NME7: variants seen among roughly 807,000 people sequenced by gnomAD.
NME7 encodes the protein NME/NM23 family member 7, also known as nucleoside diphosphate kinase 7.
A neutral mutation model predicts 49.1 loss-of-function variants in NME7; 41 were observed. The observed-to-expected ratio is 0.83, with a 90% CI of 0.65 to 1.08. NME7 has a LOEUF of 1.08. Among genes scored for constraint, NME7 ranks in the 50% least tolerant of loss-of-function variants. The pLI is 0.00. For synonymous variants in NME7, 139 were observed against 150.6 expected (o/e 0.92, Z 0.56); for missense variants, 423 against 463.4 (o/e 0.91, Z 0.80).
chr1:169,356,164 T>C (rs1199303101), intron 1 of NME7, among the ~76,000 whole-genome samples: 1 of 152,186 alleles, frequency 6.6e-6, no homozygotes, highest in Non-Finnish European at 1.5e-5. Flanking sequence ...TCCCTGATGA[T>C]ATTGATATCT....
In NME7 at chr1:169,210,719, A is replaced by G. The variant is rs568338235; in HGVS notation, c.990+19999T>C. On this transcript the variant is annotated intron_variant, in intron 10 of 11. Coordinates refer to ENST00000367811, the MANE Select transcript of NME7 (RefSeq NM_013330.5). ...TTTGCCAGTTACGTCATAATCACAAATAAAATGGGGAAAAAAGAAAGCAGG... is the reference window on the plus strand; with the variant it reads ...TTTGCCAGTTACGTCATAATCACAAGTAAAATGGGGAAAAAAGAAAGCAGG... 3.4e-5 allele frequency among the ~76,000 whole-genome samples: 5 copies of G among 149,170 alleles called. No individual in the cohort carries two copies. The East Asian group carries it at 1.7e-3, about 50-fold the overall frequency.
chr1:169,242,036 G>T (rs1470460413), intron 7 of NME7, among the ~76,000 whole-genome samples: 1 of 151,868 alleles, frequency 6.6e-6, no homozygotes, highest in Non-Finnish European at 1.5e-5. Flanking sequence ...CAATATTCCT[G>T]CCTCAGGCTC....
chr1:169,335,882 G>C (rs1652446334), intron 1 of NME7, among the ~76,000 whole-genome samples: 2 of 151,638 alleles, frequency 1.3e-5, no homozygotes, highest in Non-Finnish European at 2.9e-5. Context: ...TGAGTGAAAA[G>C]TGGCTTCTAA....
At chr1:169,203,375 C>T (rs1163801684) in intron 10 of NME7, among the ~76,000 whole-genome samples, 1 of 152,128 alleles carries the variant, frequency 6.6e-6, no homozygotes, top group East Asian at 1.9e-4. Context: ...GCTTATTAAA[C>T]TTTCACTCCA....
intron 3 of NME7, among the ~76,000 whole-genome samples, chr1:169,321,761 T>C (rs1651858355): frequency 6.6e-6 from 1 of 152,198 alleles, no homozygotes; most frequent in Admixed American, 6.5e-5. Context: ...ATCATATTAC[T>C]ATAAGAGTGA....
intron 7 of NME7, among the ~76,000 whole-genome samples, chr1:169,269,935 ATC>A (rs1265698659): frequency 7.5e-6 from 1 of 132,868 alleles, no homozygotes; most frequent in Non-Finnish European, 1.8e-5. Context: ...ATTTTTCTCT[ATC>A]TCTCTCTCTT....
At chr1:169,257,061 G>C (rs1035074082) in intron 7 of NME7, among the ~76,000 whole-genome samples, 1 of 134,140 alleles carries the variant, frequency 7.5e-6, no homozygotes, top group Non-Finnish European at 1.8e-5. Flanking sequence ...ACAGAGGCAG[G>C]CAGGCCTCCT....
chr1:169,260,810 T>C (rs993326091), intron 7 of NME7, among the ~76,000 whole-genome samples: 1 of 134,336 alleles, frequency 7.4e-6, no homozygotes, highest in Non-Finnish European at 1.8e-5. Flanking sequence ...AAATCATGTG[T>C]AGCTATGCTC....
intron 10 of NME7, among the ~76,000 whole-genome samples, chr1:169,215,433 C>T (rs940685515): frequency 1.3e-5 from 2 of 152,130 alleles, no homozygotes; most frequent in African/African-American, 4.8e-5. Flanking sequence ...CACTTTGGGC[C>T]ACGGGTTTCA....
At chr1:169,308,755 T>C (rs1447090442) in intron 4 of NME7, among the ~76,000 whole-genome samples, 1 of 152,200 alleles carries the variant, frequency 6.6e-6, no homozygotes, top group East Asian at 1.9e-4. Flanking sequence ...GGGTTAGAGT[T>C]ACTTACTTCA....
At position 169,349,681 on chromosome 1, in the gene NME7, T is replaced by TC. The variant is rs139833959; in HGVS notation, c.3+18026dup. 3.2e-4 allele frequency among the ~76,000 whole-genome samples: 48 copies of TC among 152,298 alleles called. No homozygotes were observed. The East Asian group carries it at 9.1e-3, about 29-fold the overall frequency. On this transcript the variant is annotated intron_variant, in intron 1 of 11. Transcript: ENST00000367811. ...TGTGTGTTGTGTGTGTAACAGAACCTCTTTTTTTAAAACCCTGGATTCATT... is the reference window on the plus strand; with the variant it reads ...TGTGTGTTGTGTGTGTAACAGAACCTCCTTTTTTTAAAACCCTGGATTCATT...
At chr1:169,179,343 C>T (rs889547204) in intron 10 of NME7, among the ~76,000 whole-genome samples, 4 of 152,138 alleles carry the variant, frequency 2.6e-5, no homozygotes, top group African/African-American at 4.8e-5. Context: ...AATAGGAATG[C>T]TTTTACACTG....
intron 10 of NME7, among the ~76,000 whole-genome samples, chr1:169,172,330 GTGTGTGTGTGTGTGTGTGTGTGTGTA>G (rs1330531632): frequency 1.6e-5 from 2 of 122,456 alleles, no homozygotes; most frequent in East Asian, 4.5e-4. Flanking sequence ...ATACGTGTGT[GTGTGTGTGTGTGTGTGTGTGTGTGTA>G]TGTGTATGTG....
At chr1:169,193,454 T>C (rs895060634) in intron 10 of NME7, among the ~76,000 whole-genome samples, 3 of 152,174 alleles carry the variant, frequency 2.0e-5, no homozygotes, top group African/African-American at 7.2e-5. Flanking sequence ...TTTTACTTAT[T>C]GATGGATTTG....
At chr1:169,321,620 T>C (rs1385701409) in intron 3 of NME7, among the ~76,000 whole-genome samples, 2 of 152,190 alleles carry the variant, frequency 1.3e-5, no homozygotes, top group Admixed American at 1.3e-4. Flanking sequence ...TTGGTCTTCC[T>C]TTTTAATGAG....
chr1:169,270,716 TC>T (rs1649463566), intron 7 of NME7, among the ~76,000 whole-genome samples: 1 of 133,356 alleles, frequency 7.5e-6, no homozygotes, highest in Non-Finnish European at 1.8e-5. Flanking sequence ...CTGGGAACTG[TC>T]TAGAGCACCT....
intron 3 of NME7, among the ~76,000 whole-genome samples, chr1:169,315,300 T>C: frequency 6.6e-6 from 1 of 151,126 alleles, no homozygotes; most frequent in Non-Finnish European, 1.5e-5. Context: ...AGTCTCGCTG[T>C]GTCACCCAGG....
At chr1:169,336,915 G>C (rs1200038555) in intron 1 of NME7, among the ~76,000 whole-genome samples, 1 of 152,162 alleles carries the variant, frequency 6.6e-6, no homozygotes, top group Non-Finnish European at 1.5e-5. Context: ...CAAACCTTGA[G>C]CTAGATACAG....
At chr1:169,233,667 T>C (rs1295577418) in intron 9 of NME7, among the ~76,000 whole-genome samples, 10 of 152,148 alleles carry the variant, frequency 6.6e-5, no homozygotes. Context: ...CTCTACTCAT[T>C]AGAGTTCCTG....
Sources: allele counts gnomAD v4.1 joint callset (sites outside exome capture counted in the v4.1 genomes callset), GRCh38; gene constraint gnomAD v4.1.1; transcripts MANE v1.5; gene names NCBI Gene and HGNC (gene_info 2026-07-23, HGNC 2026-07-21).